PRR33: variants seen among roughly 807,000 people sequenced by gnomAD.
The protein encoded by PRR33 is proline-rich protein 33.
Under a neutral mutation model 0.5 loss-of-function variants are expected in PRR33, and 1 was observed. The observed-to-expected ratio is 2.18, with a 90% CI of 0.77 to 10.34. The LOEUF (loss-of-function observed/expected upper bound fraction) is 10.34, where lower values mean the gene tolerates loss of function less well. Among genes scored for constraint, PRR33 ranks in the 30% most tolerant of loss-of-function variants. The pLI, the probability that PRR33 is intolerant of heterozygous loss-of-function variation, is 0.13. For missense variants in PRR33, 552 were observed against 251.8 expected (o/e 2.19, Z -8.07); for synonymous variants, 226 against 110.0 (o/e 2.06, Z -6.60).
At chr11:1,907,405 A>C in the PRR33 span, among the ~76,000 whole-genome samples, 9 of 152,308 alleles carry the variant, frequency 5.9e-5, no homozygotes, top group South Asian at 2.1e-4. Context: ...TGCAGCACAC[A>C]TCTCTCTAGC....
At chr11:1,891,506 G>A (rs541954504) in exon 1 of PRR33, 1 of 152,438 alleles carries the variant, frequency 6.6e-6, no homozygotes, top group South Asian at 2.1e-4. Flanking sequence ...AGGGTGGGCA[G>A]GCTGCTTGGC....
chr11:1,906,784 ATTGTGCTTTCCCGCCTT>A, the PRR33 span, among the ~76,000 whole-genome samples: 1 of 152,080 alleles, frequency 6.6e-6, no homozygotes, highest in African/African-American at 2.4e-5. Flanking sequence ...GTCCTTTCGG[ATTGTGCTTTCCCGCCTT>A]GGGACGTTTT....
chr11:1,915,410 TATG>T, the PRR33 span, among the ~76,000 whole-genome samples: 1 of 148,028 alleles, frequency 6.8e-6, no homozygotes, highest in Non-Finnish European at 1.5e-5. Flanking sequence ...TCTGTGTGTG[TATG>T]TTGTGCGGTC....
chr11:1,891,764 A>G lies in PRR33; in HGVS notation c.-1180T>C, dbSNP rs1849010256. ...CTAATGCCCCCTGCACCCCATGCCT[A>G]TGTTCCAGCTTCCTGGGTCTGCAGG... On this transcript the variant is annotated 5_prime_UTR_variant, in exon 1 of 1. An upstream open reading frame in the 5' UTR loses its in-frame stop. Transcript: ENST00000640310. 1 of 152,358 alleles carries G rather than the reference A, an allele frequency of 6.6e-6. No individual in the cohort carries two copies. Among genetic ancestry groups the G allele is most frequent in the Non-Finnish European group, 1.5e-5 (1 of 68,198 alleles). 9.4% of individuals were successfully genotyped at this position (152,358 alleles called of 1,614,324 possible). A position where few individuals can be genotyped will look rare whatever the true frequency, so the allele number is the denominator to read the frequency against.
the PRR33 span, among the ~76,000 whole-genome samples, chr11:1,899,186 G>A: frequency 2.0e-5 from 3 of 152,126 alleles, no homozygotes; most frequent in African/African-American, 7.2e-5. Context: ...TTGGGAAAAA[G>A]CTGTCCATAT....
At chr11:1,903,783 GC>G in the PRR33 span, among the ~76,000 whole-genome samples, 1 of 152,300 alleles carries the variant, frequency 6.6e-6, no homozygotes, top group African/African-American at 2.4e-5. Flanking sequence ...GATCAACTGA[GC>G]AATGATTTTT....
At chr11:1,891,205 C>G (rs2133148339) in exon 1 of PRR33, 1 of 152,770 alleles carries the variant, frequency 6.5e-6, no homozygotes, top group Admixed American at 6.5e-5. Flanking sequence ...TGGGATATTC[C>G]CGCAGACCTC....
the PRR33 span, among the ~76,000 whole-genome samples, chr11:1,905,188 G>A: frequency 2.1e-5 from 3 of 143,240 alleles, no homozygotes; most frequent in African/African-American, 5.2e-5. Context: ...GTGCAGTGGC[G>A]CGATCTCAGC....
the PRR33 span, among the ~76,000 whole-genome samples, chr11:1,903,888 C>T: frequency 6.6e-6 from 1 of 152,172 alleles, no homozygotes; most frequent in Non-Finnish European, 1.5e-5. Context: ...CTCCTGCAGC[C>T]CTGCCATTTA....
chr11:1,916,550 G>A, the PRR33 span, among the ~76,000 whole-genome samples: 51 of 151,942 alleles, frequency 3.4e-4, no homozygotes, highest in African/African-American at 1.2e-3. Context: ...ACCAAGGGCA[G>A]CCGAGAGGCA....
chr11:1,901,970 C>A, the PRR33 span, among the ~76,000 whole-genome samples: 1 of 152,152 alleles, frequency 6.6e-6, no homozygotes, highest in African/African-American at 2.4e-5. Context: ...CGGTGGCTCA[C>A]GCCTGTAATC....
the PRR33 span, among the ~76,000 whole-genome samples, chr11:1,899,569 A>G: frequency 2.6e-5 from 4 of 152,174 alleles, no homozygotes; most frequent in African/African-American, 9.7e-5. Flanking sequence ...TCCAGGGACT[A>G]TTTCATAAGG....
exon 1 of PRR33, chr11:1,890,283 G>GGGCGTGGGGCTTCAGGAA: frequency 2.8e-6 from 2 of 712,554 alleles, no homozygotes; most frequent in East Asian, 2.7e-5. Flanking sequence ...AGCCTCGGCG[G>GGGCGTGGGGCTTCAGGAA]GGCGTGGGGC....
the PRR33 span, among the ~76,000 whole-genome samples, chr11:1,903,800 C>T: frequency 2.6e-4 from 40 of 152,282 alleles, no homozygotes; most frequent in Admixed American, 1.7e-3. Context: ...TTTTTCCCTG[C>T]CTTAGTGTGC....
chr11:1,907,430 G>A, the PRR33 span, among the ~76,000 whole-genome samples: 65 of 152,240 alleles, frequency 4.3e-4, no homozygotes, highest in African/African-American at 1.3e-3. Flanking sequence ...TTATCTATTC[G>A]AGATGGAGTC....
At chr11:1,905,489 A>G in the PRR33 span, among the ~76,000 whole-genome samples, 1 of 129,914 alleles carries the variant, frequency 7.7e-6, no homozygotes, top group Non-Finnish European at 1.6e-5. Flanking sequence ...CCCAGGCTGG[A>G]GTACAGTGGC....
chr11:1,894,982 C>T (rs778299525), upstream of PRR33, among the ~76,000 whole-genome samples: 1 of 152,324 alleles, frequency 6.6e-6, no homozygotes, highest in South Asian at 2.1e-4. Context: ...TTTTGGCTTG[C>T]GTGTCTCCCG....
At chr11:1,903,733 A>G in the PRR33 span, among the ~76,000 whole-genome samples, 34 of 152,298 alleles carry the variant, frequency 2.2e-4, no homozygotes, top group African/African-American at 8.2e-4. Flanking sequence ...GAAGGATCCC[A>G]TTTTACATTA....
chr11:1,917,204 G>A, the PRR33 span, among the ~76,000 whole-genome samples: 1 of 152,186 alleles, frequency 6.6e-6, no homozygotes, highest in East Asian at 1.9e-4. Flanking sequence ...GATCCAGCCT[G>A]GGGGCTCAGG....
Sources: allele counts gnomAD v4.1 joint callset (sites outside exome capture counted in the v4.1 genomes callset), GRCh38; gene constraint gnomAD v4.1.1; transcripts MANE v1.5; gene names NCBI Gene and HGNC (gene_info 2026-07-23, HGNC 2026-07-21).